Variants in PRKN observed in about 807,000 individuals in gnomAD.
PRKN encodes the protein E3 ubiquitin-protein ligase parkin.
Under a neutral mutation model 59.5 loss-of-function variants are expected in PRKN, and 56 were observed. The observed-to-expected ratio is 0.94, with a 90% CI of 0.76 to 1.18. The LOEUF (loss-of-function observed/expected upper bound fraction) is 1.18, where lower values mean the gene tolerates loss of function less well. PRKN is among the 50% of genes most tolerant of loss of function. The pLI is 0.00. For synonymous variants in PRKN, 250 were observed against 222.1 expected, an observed-to-expected ratio of 1.13 and a Z score of -1.12; for missense variants, 657 against 596.4, an observed-to-expected ratio of 1.10 and a Z score of -1.06.
At chr6:161,867,500 C>T (rs972935180) in intron 6 of PRKN, among the ~76,000 whole-genome samples, 1 of 152,152 alleles carries the variant, frequency 6.6e-6, no homozygotes, top group Non-Finnish European at 1.5e-5. Context: ...GTGTGCTGAC[C>T]TCTCACCTTG....
intron 3 of PRKN, among the ~76,000 whole-genome samples, chr6:162,248,980 T>C (rs926134365): frequency 2.0e-5 from 3 of 151,792 alleles, no homozygotes; most frequent in African/African-American, 7.3e-5. Flanking sequence ...CCAGGTTCAG[T>C]GGATTCTCCT....
Position 162,450,579 on chromosome 6 carries a change from G to A in PRKN, c.8-7106C>T, listed in dbSNP as rs201948456. ...ATGTTTACCCTTGACACAGTGTGAT[G>A]CAATGGGCAATTTATCTCTGTGGGC... On this transcript the variant is annotated intron_variant, in intron 1 of 11. Transcript: ENST00000366898. Among the ~76,000 whole-genome samples, 3 of 152,288 alleles carry A rather than the reference G, an allele frequency of 2.0e-5. No homozygotes were observed. In the East Asian group the frequency reaches 5.8e-4, roughly 29 times the overall value.
chr6:162,227,764 C>G (rs1458193401), intron 3 of PRKN, among the ~76,000 whole-genome samples: 1 of 152,084 alleles, frequency 6.6e-6, no homozygotes. Context: ...GTGAAGTTAG[C>G]TACTTAGTCA....
At chr6:162,312,807 C>T (rs142776288) in intron 2 of PRKN, among the ~76,000 whole-genome samples, 2 of 152,034 alleles carry the variant, frequency 1.3e-5, no homozygotes, top group African/African-American at 4.8e-5. Flanking sequence ...TCAGAAGATT[C>T]AAGGATTTCC....
At chr6:162,386,108 C>T (rs374518098) in intron 2 of PRKN, among the ~76,000 whole-genome samples, 6 of 152,196 alleles carry the variant, frequency 3.9e-5, no homozygotes, top group Admixed American at 3.3e-4. Flanking sequence ...CCTAGTGACT[C>T]AATCATTAAA....
chr6:161,350,241 G>A (rs2114825846), intron 11 of PRKN, 30 bp from the exon 12 acceptor site: 1 of 1,521,874 alleles, frequency 6.6e-7, no homozygotes, highest in South Asian at 1.1e-5. Flanking sequence ...AAGGTGTGGT[G>A]GGTTCGCAGC....
chr6:162,327,068 C>A lies in PRKN; in HGVS notation c.172-64303G>T, dbSNP rs902074938. Among the ~76,000 whole-genome samples, 5 of 152,136 alleles carry A rather than the reference C, an allele frequency of 3.3e-5. No homozygotes were observed. In the East Asian group the frequency reaches 9.6e-4, roughly 29 times the overall value. The stretch of plus-strand genomic sequence containing the variant: ...AGCATTCTATTATTTTATGACCTAA[C>A]AAACTCCAGGATTTAAACAATGCTC... On this transcript the variant is annotated intron_variant, in intron 2 of 11. Coordinates refer to ENST00000366898, the MANE Select transcript of PRKN (RefSeq NM_004562.3).
chr6:161,522,850 A>C (rs1383489391), intron 9 of PRKN, among the ~76,000 whole-genome samples: 1 of 152,216 alleles, frequency 6.6e-6, no homozygotes, highest in Non-Finnish European at 1.5e-5. Context: ...ACAAACAAAA[A>C]GCCCAGTGAC....
At chr6:162,342,014 G>A (rs1053942174) in intron 2 of PRKN, among the ~76,000 whole-genome samples, 3 of 151,810 alleles carry the variant, frequency 2.0e-5, no homozygotes, top group Non-Finnish European at 2.9e-5. Flanking sequence ...TAATGAAATA[G>A]TTTTTTTTGA....
At chr6:162,320,362 C>CAAAAAAAAAAAAAAAAAAAAAAAACAAA (rs55793911) in intron 2 of PRKN, among the ~76,000 whole-genome samples, 1 of 7,286 alleles carries the variant, frequency 1.4e-4, no homozygotes, top group Non-Finnish European at 2.5e-4. Context: ...TACAAAAAGC[C>CAAAAAAAAAAAAAAAAAAAAAAAACAAA]AAAAAAAAAA....
chr6:161,568,691 T>G (rs1479258290), intron 8 of PRKN, among the ~76,000 whole-genome samples: 1 of 152,200 alleles, frequency 6.6e-6, no homozygotes, highest in East Asian at 1.9e-4. Flanking sequence ...ACACCTAGAT[T>G]TAACATACTA....
intron 9 of PRKN, among the ~76,000 whole-genome samples, chr6:161,437,801 T>C (rs1788997352): frequency 6.6e-6 from 1 of 152,220 alleles, no homozygotes. Context: ...GTCTGTGACA[T>C]GCAGAAAATA....
chr6:162,304,539 CTATCTATT>C lies in PRKN; in HGVS notation c.172-41782_172-41775del, dbSNP rs748781503. The stretch of plus-strand genomic sequence containing the variant: ...TCTATCTATCTATCTATCTATCTAT[CTATCTATT>C]TATCCATCTGTCCATTTATCTATCT... On this transcript the variant is annotated intron_variant, in intron 2 of 11. Coordinates refer to ENST00000366898, the MANE Select transcript of PRKN (RefSeq NM_004562.3). Among the ~76,000 whole-genome samples the C allele has an allele frequency of 3.4e-3, 397 of 118,080 alleles. 16 individuals carry two copies. Among genetic ancestry groups the C allele is most frequent in the Non-Finnish European group, 5.3e-3 (307 of 57,722 alleles). The allele number at this position is 118,080 out of a possible 152,430, so 77.5% of individuals were successfully genotyped here.
intron 4 of PRKN, among the ~76,000 whole-genome samples, chr6:162,187,016 C>T (rs76274865): frequency 0.035 from 5,342 of 152,244 alleles, 303 homozygotes; most frequent in African/African-American, 0.11. Context: ...ATGTTAAAGG[C>T]TAGCTACTTT....
chr6:161,826,738 A>T (rs1053456620), intron 6 of PRKN, among the ~76,000 whole-genome samples: 6 of 152,196 alleles, frequency 3.9e-5, no homozygotes, highest in Admixed American at 3.3e-4. Context: ...CATTAAATAC[A>T]TTTGCTTGGT....
chr6:162,291,459 C>T (rs1781424134), intron 2 of PRKN, among the ~76,000 whole-genome samples: 1 of 152,096 alleles, frequency 6.6e-6, no homozygotes, highest in East Asian at 1.9e-4. Flanking sequence ...AGCCCCACCA[C>T]CCTCTGGTGC....
In PRKN at chr6:161,378,707, C is replaced by T. The variant is rs1024512467; in HGVS notation, c.1167+8087G>A. On this transcript the variant is annotated intron_variant, in intron 10 of 11. Coordinates refer to ENST00000366898, the MANE Select transcript of PRKN (RefSeq NM_004562.3). This position sits in a 1 kb window ranked among gnomAD's most constrained non-coding sequence, Gnocchi z 7.3. ...CCCAGAAGCTGTTGACCTGATGAGA[C>T]GGATGGACCAGGCTTGCACGATGCC... is the stretch of plus-strand genomic sequence containing the variant. Among the ~76,000 whole-genome samples the T allele has an allele frequency of 3.9e-5, 6 of 152,194 alleles. No individual in the cohort carries two copies. Among genetic ancestry groups the T allele is most frequent in the Non-Finnish European group, 8.8e-5 (6 of 68,034 alleles).
chr6:162,042,295 C>T (rs934242997), intron 5 of PRKN, among the ~76,000 whole-genome samples: 11 of 151,702 alleles, frequency 7.3e-5, no homozygotes. Flanking sequence ...ATGACTGAAC[C>T]ATAGTCCTTA....
intron 1 of PRKN, among the ~76,000 whole-genome samples, chr6:162,472,209 C>CT (rs10577864): frequency 0.028 from 4,232 of 151,240 alleles, 68 homozygotes; most frequent in Non-Finnish European, 0.035. Flanking sequence ...CAAACTCAAA[C>CT]TTTTTTTTTA....
Sources: gnomAD v4.1 joint callset for allele counts (sites outside exome capture counted in the v4.1 genomes callset) on GRCh38, gnomAD v4.1.1 for gene constraint, Gnocchi (gnomAD v3.1) non-coding constraint, MANE v1.5 for transcripts, NCBI Gene and HGNC (gene_info 2026-07-23, HGNC 2026-07-21) for gene names.